The following MAP2K7 variants were observed in gnomAD, a reference collection of about 807,000 sequenced individuals.
MAP2K7 encodes dual specificity mitogen-activated protein kinase kinase 7.
Under a neutral mutation model 47.7 loss-of-function variants are expected in MAP2K7, and 12 were observed. The ratio of observed to expected loss-of-function variants is 0.25; its 90% CI spans 0.16 to 0.41. MAP2K7 has a LOEUF of 0.41. Ranked by LOEUF, MAP2K7 falls within the 10% of genes least tolerant of loss-of-function variation. The pLI is 1.00. For missense variants in MAP2K7, 415 were observed against 600.3 expected, an observed-to-expected ratio of 0.69 and a Z score of 3.23; for synonymous variants, 299 against 243.0, an observed-to-expected ratio of 1.23 and a Z score of -2.14.
In MAP2K7 at chr19:7,911,230, T is replaced by C. The variant is rs752796066; in HGVS notation, c.856-20T>C. ...CCGGCCCCAGCCTTGGAGATACGTC[T>C]TCTCCTCCCCCCCCTGCAGCCCGAG... On this transcript the variant is annotated intron_variant, in intron 7 of 10. Transcript: ENST00000397979. 1 of 1,597,804 alleles carries C rather than the reference T, an allele frequency of 6.3e-7. No individual in the cohort carries two copies. The highest frequency in any genetic ancestry group is 1.4e-5 in the African/African-American group (1 of 73,494).
rs566623799 is a variant in MAP2K7, at chr19:7,910,963, C to T, written c.676-17C>T. The stretch of plus-strand genomic sequence containing the variant: ...CTGTGCCCCCTGCCACATGCACCCC[C>T]CTCTGCGTGCCTGCAGATTGTGAAG... On this transcript the variant is annotated splice_polypyrimidine_tract_variant and intron_variant, in intron 6 of 10. Transcript: ENST00000397979. 2.5e-6 allele frequency: 4 copies of T among 1,601,934 alleles called. No individual in the cohort carries two copies. The highest frequency in any genetic ancestry group is 2.2e-5 in the East Asian group (1 of 44,580).
At chr19:7,904,200 G>A (rs1982282742) in intron 1 of MAP2K7, 132 bp downstream of exon 1, 1 of 743,652 alleles carries the variant, frequency 1.3e-6, no homozygotes, top group Non-Finnish European at 1.7e-6. Flanking sequence ...CCCCCGCTGC[G>A]GGCTCGCGGG....
chr19:7,913,770 GAAA>G lies in MAP2K7; in HGVS notation c.*1347_*1349del, dbSNP rs369538864. The G allele has an allele frequency of 1.4e-5, 2 of 147,704 alleles. No homozygotes were observed. Among genetic ancestry groups the G allele is most frequent in the Non-Finnish European group, 3.0e-5 (2 of 66,534 alleles). The allele number at this position is 147,704 out of a possible 1,614,324, so 9.1% of individuals were successfully genotyped here. A position where few individuals can be genotyped will look rare whatever the true frequency, so the allele number is the denominator to read the frequency against. On this transcript the variant is annotated 3_prime_UTR_variant, in exon 11 of 11. Transcript: ENST00000397979. ...GAAAAAATAACAAAACAAAAAACAA[GAAA>G]AAAAAAACACAAAACCCCGTAAAAT...
chr19:7,904,227 C>T (rs1046706848), intron 1 of MAP2K7, among the ~76,000 whole-genome samples, 159 bp downstream of exon 1: 1 of 151,970 alleles, frequency 6.6e-6, no homozygotes, highest in African/African-American at 2.4e-5. Flanking sequence ...GTCACGGTGA[C>T]CCGGGGGGCG....
intron 1 of MAP2K7, chr19:7,906,121 G>C (rs1233074040): frequency 7.6e-6 from 4 of 527,190 alleles, no homozygotes; most frequent in Admixed American, 6.4e-5. Flanking sequence ...CACTGAATGG[G>C]AGTCTGTGGC....
chr19:7,906,136 G>A (rs2145130537), intron 1 of MAP2K7: 6 of 495,456 alleles, frequency 1.2e-5, no homozygotes, highest in South Asian at 7.6e-5. Flanking sequence ...TGTGGCCTCC[G>A]GGGGTGGGGG....
rs1309049454 is a variant in MAP2K7 at position 7,910,518 on chromosome 19, G to A, written c.513G>A (p.Leu171=). 9 of 1,613,594 alleles carry A rather than the reference G, an allele frequency of 5.6e-6. No homozygotes were observed. The highest frequency in any genetic ancestry group is 1.1e-5 in the South Asian group (1 of 91,078). ...TCCTCATGGACCTGGATGTGGTGCT[G>A]AAGAGCCACGACTGCCCCTACATCG... ...KRILMDLDVV[L]KSHDCPYIVQ... The change falls in exon 5 of 11, where the codon CTG becomes CTA. Residue 171 remains leucine (L), a synonymous_variant. Transcript: ENST00000397979.
rs981524579 is a variant in MAP2K7 at position 7,907,791 on chromosome 19, G to A, written c.125-1964G>A. ...AACCGCTGAGTGCAGGGTGTGAGCG[G>A]GACTCGGATACTCTCTGAGGGCGGG... On this transcript the variant is annotated intron_variant, in intron 1 of 10. Transcript: ENST00000397979. 3.9e-5 allele frequency among the ~76,000 whole-genome samples: 6 copies of A among 152,140 alleles called. No homozygotes were observed. In the East Asian group the frequency reaches 1.2e-3, roughly 29 times the overall value.
chr19:7,913,074 T>A lies in MAP2K7; in HGVS notation c.*643T>A, dbSNP rs1983037282. 7.0e-6 allele frequency: 1 copy of A among 143,148 alleles called. No individual in the cohort carries two copies. Among genetic ancestry groups the A allele is most frequent in the South Asian group, 2.2e-4 (1 of 4,502 alleles). 8.9% of individuals were successfully genotyped at this position (143,148 alleles called of 1,614,324 possible). The stretch of plus-strand genomic sequence containing the variant: ...TCTCTCTCTCTCTCTCTCTCTTTGA[T>A]CTCAGGGGGTCCTTTTTGGAGTTTA... On this transcript the variant is annotated 3_prime_UTR_variant, in exon 11 of 11. Coordinates refer to ENST00000397979, the MANE Select transcript of MAP2K7 (RefSeq NM_145185.4).
At chr19:7,906,428 G>A (rs1982461923) in intron 1 of MAP2K7, 2 of 153,966 alleles carry the variant, frequency 1.3e-5, no homozygotes, top group Admixed American at 6.4e-5. Context: ...GGGCCAGCCT[G>A]GGGGAACCTC....
At chr19:7,905,811 T>C (rs1982411846) in intron 1 of MAP2K7, 2 of 1,612,204 alleles carry the variant, frequency 1.2e-6, no homozygotes, top group South Asian at 1.1e-5. Context: ...CATCCAGTTA[T>C]TGTGATCACT....
Position 7,904,078 on chromosome 19 carries a change from G to T in MAP2K7, c.124+10G>T. The T allele has an allele frequency of 7.5e-7, 1 of 1,337,090 alleles. No homozygotes were observed. Among genetic ancestry groups the T allele is most frequent in the Admixed American group, 3.0e-5 (1 of 33,548 alleles). The allele number at this position is 1,337,090 out of a possible 1,614,324, so 82.8% of individuals were successfully genotyped here. ...CAGCGGCCCAGGCCCAGTAAGCACG[G>T]CGGCGTGGGGGAGGGGGCGGGCGGG... On this transcript the variant is annotated intron_variant, in intron 1 of 10. Coordinates refer to ENST00000397979, the MANE Select transcript of MAP2K7 (RefSeq NM_145185.4).
At position 7,910,770 on chromosome 19, in the gene MAP2K7, C is replaced by A. The variant is rs1457600770; in HGVS notation, c.642C>A (p.Ile214=). ...EKLKKRMQGP[I]PERILGKMTV... ...TCAAGAAGCGGATGCAGGGCCCCAT[C>A]CCCGAGCGCATTCTGGGCAAGATGA... is the stretch of plus-strand genomic sequence containing the variant. The change falls in exon 6 of 11, where the codon ATC becomes ATA. Residue 214 remains isoleucine, a synonymous_variant. Coordinates refer to ENST00000397979, the MANE Select transcript of MAP2K7 (RefSeq NM_145185.4). 1 of 1,610,578 alleles carries A rather than the reference C, an allele frequency of 6.2e-7. No individual in the cohort carries two copies. The highest frequency in any genetic ancestry group is 1.7e-5 in the Admixed American group (1 of 59,858).
At position 7,904,073 on chromosome 19, in the gene MAP2K7, G is replaced by A. The variant is rs1982266332; in HGVS notation, c.124+5G>A. ...GCCCCCAGCGGCCCAGGCCCAGTAA[G>A]CACGGCGGCGTGGGGGAGGGGGCGG... On this transcript the variant is annotated splice_donor_5th_base_variant and intron_variant, in intron 1 of 10. Transcript: ENST00000397979. The A allele has an allele frequency of 2.9e-6, 3 of 1,040,834 alleles. No homozygotes were observed. 64.5% of individuals were successfully genotyped at this position (1,040,834 alleles called of 1,614,324 possible).
intron 6 of MAP2K7, 45 bp downstream of exon 6, chr19:7,910,848 G>A (rs955836265): frequency 1.5e-5 from 23 of 1,574,056 alleles, no homozygotes; most frequent in Middle Eastern, 1.7e-4. Context: ...TGACAGAGGC[G>A]GTGAGTGACC....
intron 9 of MAP2K7, 64 bp from the exon 10 acceptor site, chr19:7,912,085 A>G: frequency 6.6e-7 from 1 of 1,507,248 alleles, no homozygotes; most frequent in Admixed American, 1.7e-5. Context: ...GCCTGAGCAC[A>G]GGGGTGGGGC....
chr19:7,908,753 T>C (rs1448187843), intron 1 of MAP2K7, among the ~76,000 whole-genome samples: 2 of 152,068 alleles, frequency 1.3e-5, no homozygotes, highest in African/African-American at 4.8e-5. Flanking sequence ...CCTCTGTTCC[T>C]GCACCCTGTT....
At chr19:7,912,272 A>C (rs145142210) in intron 10 of MAP2K7, 25 bp from the exon 11 acceptor site, 1 of 1,613,518 alleles carries the variant, frequency 6.2e-7, no homozygotes, top group Non-Finnish European at 8.5e-7. Flanking sequence ...GTCTCCTCCT[A>C]AGCCCCACCC....
Position 7,911,426 on chromosome 19 carries a change from T to A in MAP2K7, c.937-10T>A, listed in dbSNP as rs755734164. The stretch of plus-strand genomic sequence containing the variant: ...ATAAACCTGTCCAGCCCTGCCCGTC[T>A]CCCTCCCAGGTGGAGCTGGCAACAG... On this transcript the variant is annotated splice_polypyrimidine_tract_variant and intron_variant, in intron 8 of 10. Coordinates refer to ENST00000397979, the MANE Select transcript of MAP2K7 (RefSeq NM_145185.4). 5.0e-6 allele frequency: 8 copies of A among 1,612,888 alleles called. No homozygotes were observed. Among genetic ancestry groups the A allele is most frequent in the Non-Finnish European group, 6.8e-6 (8 of 1,179,700 alleles).
Sources: allele counts gnomAD v4.1 joint callset (sites outside exome capture counted in the v4.1 genomes callset), GRCh38; gene constraint gnomAD v4.1.1; transcripts MANE v1.5; gene names NCBI Gene and HGNC (gene_info 2026-07-23, HGNC 2026-07-21).